Variants in SSPN observed in about 807,000 individuals in gnomAD.
The protein encoded by SSPN is sarcospan.
Under a neutral mutation model 19.1 loss-of-function variants are expected in SSPN, and 15 were observed. The observed-to-expected ratio is 0.78, with a 90% CI of 0.52 to 1.21. The LOEUF is 1.21. Ranked by LOEUF, SSPN falls within the 50% of genes most tolerant of loss-of-function variation. The pLI is 0.00. For synonymous variants in SSPN, 147 were observed against 140.3 expected (o/e 1.05, Z -0.34); for missense variants, 291 against 314.0 (o/e 0.93, Z 0.55).
chr12:26,221,196 A>G (rs1011385355), intron 1 of SSPN, among the ~76,000 whole-genome samples: 1 of 152,014 alleles, frequency 6.6e-6, no homozygotes, highest in African/African-American at 2.4e-5. Flanking sequence ...CTTTGCACGT[A>G]CTATTACTCT....
At chr12:26,137,958 G>A (rs1376641618) in intron 1 of SSPN, among the ~76,000 whole-genome samples, 2 of 151,952 alleles carry the variant, frequency 1.3e-5, no homozygotes, top group East Asian at 1.9e-4. Context: ...GAGTCACCGC[G>A]TCTGGCCTAC....
chr12:26,191,846 ACTT>A (rs1944790937), upstream of SSPN, among the ~76,000 whole-genome samples: 1 of 152,200 alleles, frequency 6.6e-6, no homozygotes, highest in African/African-American at 2.4e-5. Flanking sequence ...AGTATTTGAT[ACTT>A]CTTTAAATCA....
intron 1 of SSPN, among the ~76,000 whole-genome samples, chr12:26,128,925 C>G (rs10842679): frequency 0.62 from 94,859 of 152,096 alleles, 33,863 homozygotes; most frequent in East Asian, 0.89. Context: ...CTAAGTCCTG[C>G]ACTCATTATA....
chr12:26,197,009 A>G (rs2137458269), intron 1 of SSPN, among the ~76,000 whole-genome samples: 2 of 152,368 alleles, frequency 1.3e-5, no homozygotes, highest in East Asian at 3.9e-4. Flanking sequence ...AACACTTTGA[A>G]GTGGGAACTG....
At chr12:26,169,188 TACTA>T (rs1469680527) in intron 1 of SSPN, among the ~76,000 whole-genome samples, 1 of 152,144 alleles carries the variant, frequency 6.6e-6, no homozygotes, top group Non-Finnish European at 1.5e-5. Context: ...TTCTGTTTTC[TACTA>T]ACTTTTTTTT....
intron 1 of SSPN, chr12:26,122,293 C>CT: frequency 2.5e-6 from 3 of 1,183,476 alleles, no homozygotes; most frequent in Non-Finnish European, 3.1e-6. Context: ...GCGGCGGCGG[C>CT]GGCGGCAGCG....
chr12:26,123,294 G>C (rs921676080), intron 1 of SSPN: 70 of 1,277,494 alleles, frequency 5.5e-5, no homozygotes, highest in Non-Finnish European at 7.0e-5. Flanking sequence ...TTTTTCCCCA[G>C]TATTCAAGTG....
intron 1 of SSPN, among the ~76,000 whole-genome samples, chr12:26,149,840 A>G (rs535140423): frequency 6.6e-6 from 1 of 152,352 alleles, no homozygotes; most frequent in East Asian, 1.9e-4. Flanking sequence ...ACATCCACAC[A>G]TACTGCACCT....
intron 1 of SSPN, among the ~76,000 whole-genome samples, chr12:26,134,022 A>G (rs549723810): frequency 1.2e-4 from 18 of 152,218 alleles, no homozygotes; most frequent in South Asian, 6.2e-4. Context: ...CATTCTCTTG[A>G]TCAAAACTCT....
At chr12:26,174,387 G>T (rs1389219404) in intron 1 of SSPN, among the ~76,000 whole-genome samples, 1 of 151,918 alleles carries the variant, frequency 6.6e-6, no homozygotes, top group South Asian at 2.1e-4. Context: ...TATTTAAAGT[G>T]TAAAGTTTGG....
At chr12:26,159,441 G>C (rs1184776279) in intron 1 of SSPN, among the ~76,000 whole-genome samples, 1 of 152,258 alleles carries the variant, frequency 6.6e-6, no homozygotes, top group Non-Finnish European at 1.5e-5. Context: ...AGAGCCCATA[G>C]TGTCCTGGAG....
chr12:26,178,340 TA>T (rs1259927007), intron 1 of SSPN, among the ~76,000 whole-genome samples: 1 of 151,370 alleles, frequency 6.6e-6, no homozygotes, highest in Non-Finnish European at 1.5e-5. Context: ...TTATAAGGAC[TA>T]AATGTATGTG....
In SSPN at chr12:26,124,562, T is replaced by C. The variant is rs746294892; in HGVS notation, c.-31+2410T>C. 1.5e-5 allele frequency: 24 copies of C among 1,614,016 alleles called. No individual in the cohort carries two copies. Among genetic ancestry groups the C allele is most frequent in the African/African-American group, 4.0e-5 (3 of 74,894 alleles). The stretch of plus-strand genomic sequence containing the variant: ...CATGCTCCTTTTGGGTTTACACATA[T>C]ACAAAGAGGAATAGTCCAGTCTGCA... On this transcript the variant is annotated intron_variant, in intron 1 of 2. Transcript: ENST00000538142.
At chr12:26,152,369 G>A (rs1200887147) in intron 1 of SSPN, among the ~76,000 whole-genome samples, 3 of 152,116 alleles carry the variant, frequency 2.0e-5, no homozygotes, top group African/African-American at 7.2e-5. Context: ...TTAGGCATGC[G>A]TTACTTTTGC....
chr12:26,153,796 C>CA (rs1210597632), intron 1 of SSPN, among the ~76,000 whole-genome samples: 1 of 152,166 alleles, frequency 6.6e-6, no homozygotes, highest in Non-Finnish European at 1.5e-5. Flanking sequence ...CCAGTGGTCC[C>CA]AATCATCAGG....
chr12:26,217,777 T>C (rs1387141406), intron 1 of SSPN, among the ~76,000 whole-genome samples: 2 of 151,800 alleles, frequency 1.3e-5, no homozygotes, highest in Non-Finnish European at 2.9e-5. Context: ...TGAGAGTTTT[T>C]AGCATGAAAG....
chr12:26,188,276 G>A (rs1944766485), intron 1 of SSPN, among the ~76,000 whole-genome samples: 1 of 152,136 alleles, frequency 6.6e-6, no homozygotes, highest in Admixed American at 6.5e-5. Context: ...AGAAGTGTAG[G>A]GGAAAAAGAA....
At chr12:26,176,459 A>T (rs190723732) in intron 1 of SSPN, among the ~76,000 whole-genome samples, 1 of 140,590 alleles carries the variant, frequency 7.1e-6, no homozygotes, top group African/African-American at 2.5e-5. Context: ...TGGAATTAAG[A>T]CAAACTCTAA....
chr12:26,222,864 A>G (rs1422002918), intron 1 of SSPN, among the ~76,000 whole-genome samples: 3 of 152,150 alleles, frequency 2.0e-5, no homozygotes, highest in Non-Finnish European at 4.4e-5. Context: ...GATACACCAA[A>G]GCTTGGAGGT....
Sources: gnomAD v4.1 joint callset for allele counts (sites outside exome capture counted in the v4.1 genomes callset) on GRCh38, gnomAD v4.1.1 for gene constraint, MANE v1.5 for transcripts, NCBI Gene and HGNC (gene_info 2026-07-23, HGNC 2026-07-21) for gene names.